Variants in AKT3 observed in about 807,000 individuals in gnomAD.
AKT3 encodes the protein AKT serine/threonine kinase 3.
Under a neutral mutation model 65.3 loss-of-function variants are expected in AKT3, and 15 were observed. The ratio of observed to expected loss-of-function variants is 0.23; its 90% CI spans 0.15 to 0.35. AKT3 has a LOEUF of 0.35. AKT3 is among the 10% of genes least tolerant of loss of function. The pLI is 1.00. For missense variants in AKT3, 243 were observed against 576.5 expected (o/e 0.42, Z 5.92); for synonymous variants, 206 against 183.8 (o/e 1.12, Z -0.98).
At chr1:243,808,221 C>G (rs897452189) in intron 2 of AKT3, 1 of 152,160 alleles carries the variant, frequency 6.6e-6, no homozygotes, top group African/African-American at 2.4e-5. Context: ...TTCAGACAAT[C>G]AAACTTCTCA....
intron 4 of AKT3, among the ~76,000 whole-genome samples, chr1:243,655,421 A>T (rs1329406214): frequency 2.0e-5 from 3 of 151,978 alleles, no homozygotes; most frequent in Non-Finnish European, 4.4e-5. Context: ...TTTTATCTAG[A>T]GTTCCTATGA....
intron 10 of AKT3, among the ~76,000 whole-genome samples, chr1:243,560,535 T>C (rs1181254650): frequency 4.6e-5 from 7 of 152,148 alleles, no homozygotes; most frequent in Non-Finnish European, 8.8e-5. Flanking sequence ...ATAACAACAA[T>C]AATCACTCTT....
intron 12 of AKT3, among the ~76,000 whole-genome samples, chr1:243,534,922 T>C (rs1316196670): frequency 6.6e-6 from 1 of 151,548 alleles, no homozygotes; most frequent in African/African-American, 2.4e-5. Context: ...GTTACAAAAC[T>C]AGAAAAAGAG....
intron 2 of AKT3, among the ~76,000 whole-genome samples, chr1:243,717,112 CAGA>C (rs1194933365): frequency 1.3e-5 from 2 of 152,182 alleles, no homozygotes; most frequent in African/African-American, 4.8e-5. Flanking sequence ...TTAGCTCACT[CAGA>C]AGTTTTTTTC....
chr1:243,547,012 G>A (rs752631208), intron 11 of AKT3: 5 of 152,172 alleles, frequency 3.3e-5, no homozygotes, highest in Non-Finnish European at 7.3e-5. Context: ...TGGGATGGTG[G>A]AAGAAGATTC....
At chr1:243,787,454 TC>T (rs1691339287) in intron 2 of AKT3, among the ~76,000 whole-genome samples, 2 of 152,184 alleles carry the variant, frequency 1.3e-5, no homozygotes, top group South Asian at 4.1e-4. Context: ...TGTTTCCTGG[TC>T]CTGGCATCCT....
At chr1:243,818,641 A>G (rs1198145729) in intron 2 of AKT3, among the ~76,000 whole-genome samples, 1 of 152,204 alleles carries the variant, frequency 6.6e-6, no homozygotes, top group Non-Finnish European at 1.5e-5. Flanking sequence ...GAAAACAATT[A>G]AGACTTAAAT....
intron 6 of AKT3, among the ~76,000 whole-genome samples, chr1:243,630,978 T>C (rs533631199): frequency 6.6e-6 from 1 of 151,746 alleles, no homozygotes; most frequent in African/African-American, 2.4e-5. Context: ...TAGCCTCTTT[T>C]TTTTTTTTCC....
At position 243,812,109 on chromosome 1, in the gene AKT3, C is replaced by A. The variant is rs369180768; in HGVS notation, c.46+31016G>T. On this transcript the variant is annotated intron_variant, in intron 2 of 13. Coordinates refer to ENST00000673466, the MANE Select transcript of AKT3 (RefSeq NM_005465.7). ...GGCAATACCATTCAGGACATAGGCA[C>A]GGGCAAGGACTTCATGTCTAAAACA... Among the ~76,000 whole-genome samples, 6 of 152,186 alleles carry A rather than the reference C, an allele frequency of 3.9e-5. No homozygotes were observed. In the East Asian group the frequency reaches 5.8e-4, roughly 15 times the overall value.
intron 3 of AKT3, among the ~76,000 whole-genome samples, chr1:243,669,430 T>C (rs901955433): frequency 2.0e-5 from 3 of 152,188 alleles, no homozygotes; most frequent in Non-Finnish European, 2.9e-5. Context: ...TGAGGTTCAC[T>C]ATTTCAGTTT....
chr1:243,838,846 G>A (rs1695059377), intron 2 of AKT3, among the ~76,000 whole-genome samples: 1 of 152,110 alleles, frequency 6.6e-6, no homozygotes, highest in South Asian at 2.1e-4. Flanking sequence ...TTATTTGAAA[G>A]CCAAAACTGG....
At chr1:243,753,503 A>G (rs73128268) in intron 2 of AKT3, among the ~76,000 whole-genome samples, 7,177 of 152,284 alleles carry the variant, frequency 0.047, 569 homozygotes, top group African/African-American at 0.16. Context: ...AGATATATAT[A>G]CACACAAATG....
chr1:243,651,517 A>ATT (rs1232661800), intron 4 of AKT3, among the ~76,000 whole-genome samples: 1 of 152,132 alleles, frequency 6.6e-6, no homozygotes, highest in African/African-American at 2.4e-5. Context: ...TCAGTATGAT[A>ATT]TTTGCTGTAA....
chr1:243,836,445 A>C (rs1445551836), intron 2 of AKT3, among the ~76,000 whole-genome samples: 2 of 151,994 alleles, frequency 1.3e-5, no homozygotes, highest in African/African-American at 2.4e-5. Flanking sequence ...GCTGGAGACT[A>C]TAACACTGAG....
chr1:243,568,378 G>C (rs1674324070), intron 9 of AKT3, among the ~76,000 whole-genome samples: 2 of 151,670 alleles, frequency 1.3e-5, no homozygotes, highest in South Asian at 4.2e-4. Context: ...AAAAATCTAA[G>C]TAATGCTTAC....
At chr1:243,731,318 G>T (rs1406036039) in intron 2 of AKT3, among the ~76,000 whole-genome samples, 1 of 152,116 alleles carries the variant, frequency 6.6e-6, no homozygotes, top group Non-Finnish European at 1.5e-5. Context: ...CCAATAATAA[G>T]GCAATAGAGA....
chr1:243,762,775 C>G (rs756326366), intron 2 of AKT3, among the ~76,000 whole-genome samples: 5 of 152,086 alleles, frequency 3.3e-5, no homozygotes, highest in African/African-American at 9.6e-5. Flanking sequence ...ATTTCTAGAA[C>G]GAACCAGAGC....
intron 13 of AKT3, among the ~76,000 whole-genome samples, chr1:243,492,246 G>A (rs571889861): frequency 9.2e-5 from 14 of 151,614 alleles, no homozygotes; most frequent in South Asian, 2.1e-4. Context: ...CGCTGTCTGC[G>A]GTGGGCAGGA....
intron 2 of AKT3, among the ~76,000 whole-genome samples, chr1:243,816,050 T>C (rs1693500445): frequency 1.3e-5 from 2 of 152,182 alleles, no homozygotes; most frequent in African/African-American, 4.8e-5. Flanking sequence ...TGTCATGAAA[T>C]TGCAGACAAT....
Sources: allele counts gnomAD v4.1 joint callset (sites outside exome capture counted in the v4.1 genomes callset), GRCh38; gene constraint gnomAD v4.1.1; transcripts MANE v1.5; gene names NCBI Gene and HGNC (gene_info 2026-07-23, HGNC 2026-07-21).